The following ATP2C1 variants were observed in gnomAD, a reference collection of about 807,000 sequenced individuals.
ATP2C1 encodes ATPase secretory pathway Ca2+ transporting 1.
ATP2C1 carries 31 observed loss-of-function variants against 120.5 expected under a neutral mutation model. That is an observed-to-expected ratio of 0.26 (90% confidence interval 0.19 to 0.35). ATP2C1 has a LOEUF of 0.35. Ranked by LOEUF, ATP2C1 falls within the 10% of genes least tolerant of loss-of-function variation. The pLI, the probability that ATP2C1 is intolerant of heterozygous loss-of-function variation, is 1.00. For synonymous variants in ATP2C1, 351 were observed against 358.7 expected (o/e 0.98, Z 0.24); for missense variants, 731 against 1,107.5 (o/e 0.66, Z 4.83).
downstream of ATP2C1, among the ~76,000 whole-genome samples, chr3:131,003,504 G>T (rs1015804993): frequency 1.3e-5 from 2 of 152,156 alleles, no homozygotes; most frequent in East Asian, 1.9e-4. Context: ...GGGAAGAAAA[G>T]AAAAGAACTT....
chr3:130,951,506 A>C (rs956509836), intron 8 of ATP2C1, among the ~76,000 whole-genome samples: 1 of 152,188 alleles, frequency 6.6e-6, no homozygotes, highest in Non-Finnish European at 1.5e-5. Context: ...TATTGGCATT[A>C]TCTTTGAAGA....
intron 12 of ATP2C1, chr3:130,963,392 A>G (rs1251858559): frequency 6.4e-6 from 1 of 156,168 alleles, no homozygotes; most frequent in Non-Finnish European, 1.4e-5. Flanking sequence ...TTTCATATAA[A>G]TGAAATGATA....
intron 4 of ATP2C1, among the ~76,000 whole-genome samples, chr3:130,933,835 T>A (rs747068785): frequency 2.6e-5 from 4 of 152,172 alleles, no homozygotes; most frequent in African/African-American, 7.2e-5. Flanking sequence ...ATAAAGGGGC[T>A]TTGGAGGTGG....
intron 3 of ATP2C1, 72 bp downstream of exon 3, chr3:130,930,598 G>C: frequency 1.0e-6 from 1 of 993,154 alleles, no homozygotes; most frequent in Non-Finnish European, 1.6e-6. Flanking sequence ...AAACAGTGCT[G>C]TCTAATTTAC....
intron 2 of ATP2C1, among the ~76,000 whole-genome samples, chr3:130,908,000 C>T (rs1467484701): frequency 6.6e-6 from 1 of 151,964 alleles, no homozygotes; most frequent in African/African-American, 2.4e-5. Flanking sequence ...GATGTTCAAC[C>T]TCAGTCATGA....
chr3:130,942,235 T>C (rs1189410835), intron 8 of ATP2C1, among the ~76,000 whole-genome samples: 15 of 152,204 alleles, frequency 9.9e-5, no homozygotes. Flanking sequence ...GAAACTCTGT[T>C]GGGACATGGT....
At chr3:131,003,402 T>TTA (rs1345055341), downstream of ATP2C1, among the ~76,000 whole-genome samples, 1 of 152,226 alleles carries the variant, frequency 6.6e-6, no homozygotes, top group East Asian at 1.9e-4. Flanking sequence ...TCCTAGGACT[T>TTA]GCTAGAGTCC....
chr3:130,933,165 C>T (rs191788541), intron 4 of ATP2C1, among the ~76,000 whole-genome samples: 120 of 152,180 alleles, frequency 7.9e-4, no homozygotes, highest in African/African-American at 2.8e-3. Flanking sequence ...GAGCACCTGC[C>T]CCTTGGGATT....
At chr3:130,871,893 G>A (rs376149758) in intron 1 of ATP2C1, among the ~76,000 whole-genome samples, 7 of 152,160 alleles carry the variant, frequency 4.6e-5, no homozygotes, top group African/African-American at 9.6e-5. Context: ...GTGCTGGCGC[G>A]TGCCTATAAC....
At chr3:130,864,542 T>C (rs1463127638) in intron 1 of ATP2C1, among the ~76,000 whole-genome samples, 2 of 152,164 alleles carry the variant, frequency 1.3e-5, no homozygotes, top group Non-Finnish European at 2.9e-5. Flanking sequence ...TCCAGGCCAT[T>C]TCAGAGACCT....
intron 20 of ATP2C1, 133 bp from the exon 21 acceptor site, chr3:130,992,818 C>G (rs1257817188): frequency 1.4e-6 from 1 of 721,152 alleles, no homozygotes; most frequent in East Asian, 2.8e-5. Flanking sequence ...TGTCATATTG[C>G]TTAAGCTTGA....
intron 1 of ATP2C1, among the ~76,000 whole-genome samples, chr3:130,887,954 C>T (rs2685185): frequency 0.17 from 25,473 of 152,234 alleles, 2,282 homozygotes; most frequent in Middle Eastern, 0.25. Context: ...CTTGAAGACA[C>T]GTCTCAGAGT....
chr3:130,978,367 T>C (rs1255640916), intron 18 of ATP2C1, among the ~76,000 whole-genome samples: 2 of 152,158 alleles, frequency 1.3e-5, no homozygotes, highest in Non-Finnish European at 2.9e-5. Flanking sequence ...TTCAGTCTCC[T>C]CTTGACTTAT....
intron 2 of ATP2C1, among the ~76,000 whole-genome samples, chr3:130,917,095 A>G (rs2058723150): frequency 1.3e-5 from 2 of 152,236 alleles, no homozygotes; most frequent in Admixed American, 1.3e-4. Context: ...GTACAGTATT[A>G]TTTATTAAAT....
intron 1 of ATP2C1, among the ~76,000 whole-genome samples, chr3:130,871,517 A>G (rs534258414): frequency 6.6e-6 from 1 of 152,214 alleles, no homozygotes; most frequent in Non-Finnish European, 1.5e-5. Context: ...TTTCAGAACC[A>G]CTGTTGCAGA....
intron 20 of ATP2C1, among the ~76,000 whole-genome samples, chr3:130,985,070 A>G (rs1340307689): frequency 6.6e-6 from 1 of 152,258 alleles, no homozygotes; most frequent in East Asian, 1.9e-4. Context: ...TCACAAATGC[A>G]GATGTATGAA....
chr3:130,994,183 A>C, intron 22 of ATP2C1, 85 bp downstream of exon 22: 2 of 1,507,232 alleles, frequency 1.3e-6, no homozygotes, highest in Non-Finnish European at 1.8e-6. Flanking sequence ...CAACTGGAAA[A>C]GAATTAGTAT....
chr3:130,915,476 C>T (rs1047266533), intron 2 of ATP2C1, among the ~76,000 whole-genome samples: 2 of 152,134 alleles, frequency 1.3e-5, no homozygotes, highest in African/African-American at 4.8e-5. Flanking sequence ...AAGTCTGTTA[C>T]TTAGCTTAGT....
rs1199746239 is a variant in ATP2C1 at position 130,894,494 on chromosome 3, G to C, written c.-180-96G>C. 6 of 1,377,468 alleles carry C rather than the reference G, an allele frequency of 4.4e-6. No individual in the cohort carries two copies. In the African/African-American group the frequency reaches 8.8e-5, roughly 20 times the overall value. 85.3% of individuals were successfully genotyped at this position (1,377,468 alleles called of 1,614,324 possible). ...TGCGGGCACACGACGGGGCGGGTGC[G>C]GGATCTTGGGGAGGGGGGCTCCCGA... is the stretch of plus-strand genomic sequence containing the variant. On this transcript the variant is annotated intron_variant, in intron 1 of 27. Coordinates refer to ENST00000510168, the MANE Select transcript of ATP2C1 (RefSeq NM_001378687.1). The surrounding 1 kb of genome is among the most constrained non-coding windows in gnomAD (Gnocchi z 4.5).
Sources: allele counts gnomAD v4.1 joint callset (sites outside exome capture counted in the v4.1 genomes callset), GRCh38; gene constraint gnomAD v4.1.1; non-coding constraint Gnocchi (gnomAD v3.1); transcripts MANE v1.5; gene names NCBI Gene and HGNC (gene_info 2026-07-23, HGNC 2026-07-21).